The following GRIK4 variants were observed in gnomAD, a reference collection of about 807,000 sequenced individuals.
The protein encoded by GRIK4 is glutamate ionotropic receptor kainate type subunit 4.
Under a neutral mutation model 104.9 loss-of-function variants are expected in GRIK4, and 40 were observed. The ratio of observed to expected loss-of-function variants is 0.38; its 90% CI spans 0.30 to 0.50. The LOEUF (loss-of-function observed/expected upper bound fraction) is 0.50. Among genes scored for constraint, GRIK4 ranks in the 20% least tolerant of loss-of-function variants. The pLI is 0.93. For missense variants in GRIK4, 1,047 were observed against 1,308.1 expected (o/e 0.80, Z 3.08); for synonymous variants, 485 against 524.9 (o/e 0.92, Z 1.04).
chr11:120,693,358 G>A (rs1387287027), intron 3 of GRIK4, among the ~76,000 whole-genome samples: 2 of 152,116 alleles, frequency 1.3e-5, no homozygotes, highest in East Asian at 3.8e-4. Flanking sequence ...GCCTGGCGTG[G>A]CCTCCCAAAG....
At chr11:120,934,819 C>T (rs559232590) in intron 13 of GRIK4, among the ~76,000 whole-genome samples, 5 of 152,188 alleles carry the variant, frequency 3.3e-5, no homozygotes, top group South Asian at 4.1e-4. Context: ...ACATGGGATG[C>T]GTGGAGCACT....
chr11:120,854,043 G>A (rs1682031664), intron 8 of GRIK4, among the ~76,000 whole-genome samples: 1 of 152,234 alleles, frequency 6.6e-6, no homozygotes, highest in African/African-American at 2.4e-5. Flanking sequence ...AACCTGTTCT[G>A]TTCACTTCCA....
At chr11:120,883,066 A>G (rs918822602) in intron 11 of GRIK4, among the ~76,000 whole-genome samples, 1 of 152,002 alleles carries the variant, frequency 6.6e-6, no homozygotes, top group Non-Finnish European at 1.5e-5. Context: ...GCCTTTTCAC[A>G]CTATTATTCA....
intron 1 of GRIK4, among the ~76,000 whole-genome samples, chr11:120,598,938 C>G (rs753517124): frequency 1.1e-4 from 16 of 152,208 alleles, no homozygotes; most frequent in Non-Finnish European, 2.1e-4. Flanking sequence ...GGATAATGGA[C>G]TCCTTCTCTT....
At chr11:120,652,896 G>T (rs983349073) in intron 1 of GRIK4, among the ~76,000 whole-genome samples, 3 of 152,190 alleles carry the variant, frequency 2.0e-5, no homozygotes, top group Admixed American at 2.0e-4. Flanking sequence ...GACAGCATGT[G>T]CACAGCCAGA....
chr11:120,884,361 C>T (rs139344338), intron 11 of GRIK4, among the ~76,000 whole-genome samples: 23 of 152,336 alleles, frequency 1.5e-4, no homozygotes, highest in Non-Finnish European at 2.4e-4. Context: ...GCCGTATTCC[C>T]GGAGTCTCGC....
intron 3 of GRIK4, among the ~76,000 whole-genome samples, chr11:120,799,384 T>C (rs1430302924): frequency 6.6e-6 from 1 of 152,196 alleles, no homozygotes; most frequent in African/African-American, 2.4e-5. Flanking sequence ...CCTGTTGCTA[T>C]TGGTGTTTTA....
chr11:120,787,173 A>T (rs912911467), intron 3 of GRIK4, among the ~76,000 whole-genome samples: 4 of 151,828 alleles, frequency 2.6e-5, no homozygotes, highest in Non-Finnish European at 4.4e-5. Context: ...AACAAAAAAA[A>T]TACGAAAATT....
chr11:120,644,099 A>G (rs1350171436), intron 1 of GRIK4, among the ~76,000 whole-genome samples: 1 of 137,420 alleles, frequency 7.3e-6, no homozygotes, highest in Non-Finnish European at 1.6e-5. Context: ...TGTATGTGTG[A>G]TTCTGTGTAT....
chr11:120,530,842 C>A (rs542742257), intron 1 of GRIK4, among the ~76,000 whole-genome samples: 10 of 152,236 alleles, frequency 6.6e-5, no homozygotes, highest in African/African-American at 2.2e-4. Flanking sequence ...ATGAGGAGAA[C>A]TCTGATTGTT....
intron 3 of GRIK4, among the ~76,000 whole-genome samples, chr11:120,716,090 T>A (rs1048238699): frequency 1.1e-4 from 16 of 152,062 alleles, no homozygotes; most frequent in African/African-American, 3.6e-4. Flanking sequence ...GTACGGAGCC[T>A]CCACTGTTCT....
chr11:120,667,676 C>T (rs1253485112), intron 3 of GRIK4, among the ~76,000 whole-genome samples: 1 of 152,228 alleles, frequency 6.6e-6, no homozygotes, highest in Non-Finnish European at 1.5e-5. Flanking sequence ...TGTGTTTCCT[C>T]CCATTGAGCT....
At chr11:120,671,176 T>C (rs974303093) in intron 3 of GRIK4, among the ~76,000 whole-genome samples, 4 of 152,202 alleles carry the variant, frequency 2.6e-5, no homozygotes, top group Non-Finnish European at 5.9e-5. Flanking sequence ...TGTCCATATG[T>C]CTTTAGAGTA....
intron 1 of GRIK4, among the ~76,000 whole-genome samples, chr11:120,570,403 T>A (rs1948382417): frequency 6.6e-6 from 1 of 152,228 alleles, no homozygotes; most frequent in Non-Finnish European, 1.5e-5. Context: ...GTTCTAAATA[T>A]GTGTGCATTG....
intron 19 of GRIK4, among the ~76,000 whole-genome samples, chr11:120,980,294 C>G (rs1944630221): frequency 6.6e-6 from 1 of 152,222 alleles, no homozygotes; most frequent in Admixed American, 6.5e-5. Context: ...TCCACCCAGC[C>G]TCCCTCGACA....
intron 3 of GRIK4, among the ~76,000 whole-genome samples, chr11:120,699,732 TGA>T (rs1309560614): frequency 6.6e-6 from 1 of 152,022 alleles, no homozygotes; most frequent in Non-Finnish European, 1.5e-5. Flanking sequence ...TTCAAGGAAA[TGA>T]GAGAAGAGCT....
At chr11:120,801,269 A>C (rs7938287) in intron 3 of GRIK4, among the ~76,000 whole-genome samples, 12,061 of 152,210 alleles carry the variant, frequency 0.079, 1,528 homozygotes, top group African/African-American at 0.26. Flanking sequence ...TCTGTCACCC[A>C]GGCTGGAGTG....
At position 120,982,088 on chromosome 11, in the gene GRIK4, G is replaced by C. The variant is rs938044681; in HGVS notation, c.2396-18G>C. ...TGATCTTTTACAATATTTTTCATTT[G>C]TTATCACTTTCTTACAGGCCTGGGA... On this transcript the variant is annotated intron_variant, in intron 19 of 20. Coordinates refer to ENST00000527524, the MANE Select transcript of GRIK4 (RefSeq NM_014619.5). The C allele has an allele frequency of 7.2e-7, 1 of 1,392,408 alleles. No homozygotes were observed. Among genetic ancestry groups the C allele is most frequent in the Non-Finnish European group, 1.0e-6 (1 of 978,824 alleles). The allele number at this position is 1,392,408 out of a possible 1,614,324, so 86.3% of individuals were successfully genotyped here.
intron 3 of GRIK4, among the ~76,000 whole-genome samples, chr11:120,760,389 A>G (rs1951726323): frequency 6.8e-6 from 1 of 147,516 alleles, no homozygotes; most frequent in Non-Finnish European, 1.5e-5. Context: ...AAACATATAT[A>G]TACATATATA....
Sources: gnomAD v4.1 joint callset for allele counts (sites outside exome capture counted in the v4.1 genomes callset) on GRCh38, gnomAD v4.1.1 for gene constraint, MANE v1.5 for transcripts, NCBI Gene and HGNC (gene_info 2026-07-23, HGNC 2026-07-21) for gene names.